EXOC4: variants seen among roughly 807,000 people sequenced by gnomAD.
EXOC4 encodes exocyst complex component 4.
In EXOC4, 71 loss-of-function variants were observed where a neutral mutation model predicts 107.2. The ratio of observed to expected loss-of-function variants is 0.66; its 90% CI spans 0.55 to 0.81. The LOEUF is 0.81. Among genes scored for constraint, EXOC4 ranks in the 30% least tolerant of loss-of-function variants. The pLI is 0.00. For missense variants in EXOC4, 1,108 were observed against 1,189.6 expected, an observed-to-expected ratio of 0.93 and a Z score of 1.01; for synonymous variants, 456 against 441.2, an observed-to-expected ratio of 1.03 and a Z score of -0.42.
At chr7:133,847,994 T>A (rs1011100391) in intron 11 of EXOC4, among the ~76,000 whole-genome samples, 11 of 149,328 alleles carry the variant, frequency 7.4e-5, no homozygotes, top group African/African-American at 2.7e-4. Context: ...CCTCTCAAAG[T>A]GCTGGGATTA....
intron 17 of EXOC4, among the ~76,000 whole-genome samples, chr7:134,041,976 C>A (rs962467123): frequency 6.6e-6 from 1 of 152,106 alleles, no homozygotes; most frequent in African/African-American, 2.4e-5. Context: ...GGCATATGTG[C>A]AGGTAGGTAG....
intron 11 of EXOC4, among the ~76,000 whole-genome samples, chr7:133,834,315 A>G (rs1490012587): frequency 1.3e-5 from 2 of 152,112 alleles, no homozygotes; most frequent in African/African-American, 2.4e-5. Flanking sequence ...CTAATTTTCT[A>G]GCTCATTACA....
At chr7:133,578,680 A>G (rs1027038720) in intron 9 of EXOC4, among the ~76,000 whole-genome samples, 1 of 152,156 alleles carries the variant, frequency 6.6e-6, no homozygotes, top group Admixed American at 6.6e-5. Flanking sequence ...GTTTTATAAA[A>G]CAGTTGGCAT....
chr7:133,380,003 G>A (rs147622847), intron 7 of EXOC4, among the ~76,000 whole-genome samples: 4 of 151,798 alleles, frequency 2.6e-5, no homozygotes, highest in Non-Finnish European at 5.9e-5. Context: ...GAGTGATTTG[G>A]CCACATGTTC....
chr7:133,437,249 T>G (rs1271662829), intron 7 of EXOC4, among the ~76,000 whole-genome samples: 1 of 152,196 alleles, frequency 6.6e-6, no homozygotes, highest in African/African-American at 2.4e-5. Flanking sequence ...TAGATTTTTA[T>G]TCTGATTATG....
chr7:133,813,801 G>C (rs1038473807), intron 10 of EXOC4, among the ~76,000 whole-genome samples: 6 of 152,040 alleles, frequency 3.9e-5, no homozygotes, highest in African/African-American at 1.5e-4. Flanking sequence ...TTGAAGGAAA[G>C]CTACTTTTTT....
intron 9 of EXOC4, among the ~76,000 whole-genome samples, chr7:133,579,757 G>C: frequency 6.6e-6 from 1 of 150,738 alleles, no homozygotes; most frequent in East Asian, 2.0e-4. Flanking sequence ...CATGATCTCA[G>C]CTCTCTGCAA....
At chr7:133,673,710 C>A (rs1484520748) in intron 10 of EXOC4, among the ~76,000 whole-genome samples, 1 of 152,174 alleles carries the variant, frequency 6.6e-6, no homozygotes, top group Non-Finnish European at 1.5e-5. Context: ...AACAAGAAGA[C>A]AACACACATG....
rs181000539 is a variant in EXOC4, at chr7:133,692,259, A to G, written c.1514+62118A>G. Reference sequence around the variant, plus strand: ...GCTATGAGCAGTAGAATTTCCTGGCATACTCTCCAAATGTGATTGCAAAAT... The same window carrying G: ...GCTATGAGCAGTAGAATTTCCTGGCGTACTCTCCAAATGTGATTGCAAAAT... On this transcript the variant is annotated intron_variant, in intron 10 of 17. Transcript: ENST00000253861. 2.0e-5 allele frequency among the ~76,000 whole-genome samples: 3 copies of G among 152,352 alleles called. No individual in the cohort carries two copies. In the East Asian group the frequency reaches 5.8e-4, roughly 29 times the overall value.
At chr7:134,005,711 C>T (rs1794629190) in intron 16 of EXOC4, among the ~76,000 whole-genome samples, 1 of 152,160 alleles carries the variant, frequency 6.6e-6, no homozygotes, top group Admixed American at 6.5e-5. Context: ...TGTTAGGACT[C>T]CACATTATGT....
chr7:133,521,986 GT>G (rs201315803), intron 9 of EXOC4, among the ~76,000 whole-genome samples: 322 of 146,988 alleles, frequency 2.2e-3, no homozygotes, highest in African/African-American at 4.6e-3. Flanking sequence ...TGTGGATTCA[GT>G]TTTTTTTTTT....
intron 9 of EXOC4, among the ~76,000 whole-genome samples, chr7:133,571,716 C>T (rs895496168): frequency 1.3e-5 from 2 of 151,712 alleles, no homozygotes; most frequent in Non-Finnish European, 2.9e-5. Context: ...TCTCACTGTT[C>T]CAGAGGCTGG....
chr7:133,403,001 C>T (rs1381958951), intron 7 of EXOC4, among the ~76,000 whole-genome samples: 1 of 150,990 alleles, frequency 6.6e-6, no homozygotes, highest in Non-Finnish European at 1.5e-5. Context: ...TATCCTGCCT[C>T]AGCCTCCCGA....
At chr7:133,379,975 A>G (rs1796576585) in intron 7 of EXOC4, among the ~76,000 whole-genome samples, 1 of 152,084 alleles carries the variant, frequency 6.6e-6, no homozygotes, top group African/African-American at 2.4e-5. Flanking sequence ...TATACGTTTC[A>G]TACATGTAGT....
chr7:134,098,094 T>C, the EXOC4 span, among the ~76,000 whole-genome samples: 1 of 152,130 alleles, frequency 6.6e-6, no homozygotes, highest in African/African-American at 2.4e-5. Flanking sequence ...AGCAAAGAAA[T>C]AGCACCTGAT....
At chr7:133,936,534 A>G (rs1022114370) in intron 13 of EXOC4, among the ~76,000 whole-genome samples, 2 of 152,344 alleles carry the variant, frequency 1.3e-5, no homozygotes. Flanking sequence ...CTTGGGTCTT[A>G]CAGAAAACTC....
At chr7:133,292,924 T>C (rs1040611616) in intron 3 of EXOC4, among the ~76,000 whole-genome samples, 2 of 152,192 alleles carry the variant, frequency 1.3e-5, no homozygotes, top group Non-Finnish European at 2.9e-5. Context: ...TGTTTTTTCT[T>C]CTCTGGTTAT....
intron 11 of EXOC4, among the ~76,000 whole-genome samples, chr7:133,824,730 C>G (rs997392002): frequency 6.6e-5 from 10 of 151,984 alleles, no homozygotes; most frequent in African/African-American, 2.4e-4. Flanking sequence ...TGGTGGCTCC[C>G]GTGGATTTTT....
intron 9 of EXOC4, among the ~76,000 whole-genome samples, chr7:133,517,910 C>T (rs1482960733): frequency 6.6e-6 from 1 of 152,024 alleles, no homozygotes; most frequent in African/African-American, 2.4e-5. Flanking sequence ...TCACCCCATA[C>T]TTAGTGGATT....
Sources: allele counts gnomAD v4.1 joint callset (sites outside exome capture counted in the v4.1 genomes callset), GRCh38; gene constraint gnomAD v4.1.1; transcripts MANE v1.5; gene names NCBI Gene and HGNC (gene_info 2026-07-23, HGNC 2026-07-21).